The following AGGF1 variants were observed in gnomAD, a reference collection of about 807,000 sequenced individuals.
The protein encoded by AGGF1 is angiogenic factor with G patch and FHA domains 1.
In AGGF1, 56 loss-of-function variants were observed where a neutral mutation model predicts 86.5. The ratio of observed to expected loss-of-function variants is 0.65; its 90% CI spans 0.52 to 0.81. The LOEUF (loss-of-function observed/expected upper bound fraction) is 0.81. AGGF1 is among the 30% of genes least tolerant of loss of function. AGGF1 has a pLI of 0.00. For synonymous variants in AGGF1, 313 were observed against 297.1 expected (o/e 1.05, Z -0.55); for missense variants, 816 against 850.9 (o/e 0.96, Z 0.51).
intron 13 of AGGF1, among the ~76,000 whole-genome samples, chr5:77,062,025 A>C (rs745699715): frequency 1.3e-5 from 2 of 152,142 alleles, no homozygotes; most frequent in Non-Finnish European, 2.9e-5. Context: ...CCCTACATTA[A>C]AGCTAGGGTG....
chr5:77,032,249 T>G (rs115064262), intron 1 of AGGF1, among the ~76,000 whole-genome samples: 1 of 92,092 alleles, frequency 1.1e-5, no homozygotes, highest in Non-Finnish European at 2.0e-5. Context: ...AATACAAATA[T>G]GGTAAAAAAA....
chr5:77,055,438 T>C, intron 10 of AGGF1, 76 bp from the exon 11 acceptor site: 2 of 929,808 alleles, frequency 2.2e-6, no homozygotes, highest in Admixed American at 4.1e-5. Flanking sequence ...TTTTTATTAA[T>C]TAAATAACAT....
At chr5:77,043,864 G>A (rs1228562119) in intron 5 of AGGF1, among the ~76,000 whole-genome samples, 2 of 139,298 alleles carry the variant, frequency 1.4e-5, no homozygotes, top group African/African-American at 5.3e-5. Flanking sequence ...CTTCTCAGAC[G>A]GGGCGGCCGG....
intron 12 of AGGF1, 86 bp downstream of exon 12, chr5:77,059,829 T>A: frequency 6.6e-7 from 1 of 1,526,376 alleles, no homozygotes; most frequent in Non-Finnish European, 9.0e-7. Context: ...CTATATATCC[T>A]GATAGGTGGC....
In AGGF1 at chr5:77,063,140, A is replaced by T. The variant is rs572804974; in HGVS notation, c.2033A>T (p.Asn678Ile). ...GATGTTCACCTTCTCCAAAACAAGA[A>T]CAAAAAAAACTGGGACAAAGCACGA... ...FEDVHLLQNK[N>I]KKNWDKARER... is the part of the protein sequence containing the mutation. Residue 678 changes from asparagine (N) to isoleucine (I), a missense_variant, in exon 14 of 14, where the codon AAC becomes ATC. By Grantham distance (149) the Asn-to-Ile change is moderately radical. Transcript: ENST00000312916. 5 of 1,614,096 alleles carry T rather than the reference A, an allele frequency of 3.1e-6. 2 individuals are homozygous for T. The East Asian group carries it at 1.1e-4, about 36-fold the overall frequency.
rs1187557340 is a variant in AGGF1, at chr5:77,046,426, A to G, written c.950A>G (p.Lys317Arg). The G allele has an allele frequency of 6.2e-7, 1 of 1,614,042 alleles. No individual in the cohort carries two copies. The highest frequency in any genetic ancestry group is 1.1e-5 in the South Asian group (1 of 91,076). ...CNEEENFANM[K>R]KKAKIGIHHK... is the part of the protein sequence containing the mutation. ...GAGGAAGAAAATTTCGCAAATATGA[A>G]AAAGAAGGCCAAAATAGGCATTCAT... Residue 317 changes from lysine (K) to arginine (R), a missense_variant, in exon 6 of 14, where the codon AAA (lysine) becomes AGA (arginine). Transcript: ENST00000312916.
chr5:77,046,056 G>T (rs1046614998), intron 5 of AGGF1, among the ~76,000 whole-genome samples: 10 of 152,220 alleles, frequency 6.6e-5, no homozygotes, highest in African/African-American at 2.4e-4. Context: ...TGAGAATAGA[G>T]AGACAGATTT....
chr5:77,035,615 C>A lies in AGGF1; in HGVS notation c.388C>A (p.Gln130Lys). The stretch of plus-strand genomic sequence containing the variant: ...GACTGAACTGTCAGATCAACAAGAT[C>A]AAGCTATCGAAACTTCTATTTTGAA... Reference protein sequence around the residue: ...KVTELSDQQDQAIETSILNSK... With the variant: ...KVTELSDQQDKAIETSILNSK... Residue 130 changes from glutamine (Q) to lysine (K), a missense_variant, in exon 3 of 14, where the codon CAA (glutamine) becomes AAA (lysine). Gln to Lys is a moderately conservative substitution (Grantham distance 53, BLOSUM62 1). Transcript: ENST00000312916. 6.2e-7 allele frequency: 1 copy of A among 1,613,486 alleles called. No individual in the cohort carries two copies. The highest frequency in any genetic ancestry group is 1.3e-5 in the African/African-American group (1 of 75,008).
chr5:77,040,010 C>G (rs1160273436), intron 5 of AGGF1, among the ~76,000 whole-genome samples: 2 of 151,814 alleles, frequency 1.3e-5, no homozygotes, highest in Non-Finnish European at 2.9e-5. Context: ...GATGTCAATG[C>G]ACAGTTCATA....
In AGGF1 at chr5:77,059,437, T is replaced by C. The variant is rs150029048; in HGVS notation, c.1717-179T>C. Among the ~76,000 whole-genome samples, 465 of 152,276 alleles carry C rather than the reference T, an allele frequency of 3.1e-3. 6 individuals are homozygous for C. Among genetic ancestry groups the C allele is most frequent in the African/African-American group, 0.011 (441 of 41,542 alleles). ...CCTCTAGCTATCCTCTTGCCTCAGC[T>C]TCCCAAAATGCTAGGATTATAGGCA... is the stretch of plus-strand genomic sequence containing the variant. On this transcript the variant is annotated intron_variant, in intron 11 of 13. Coordinates refer to ENST00000312916, the MANE Select transcript of AGGF1 (RefSeq NM_018046.5).
At chr5:77,041,900 G>A (rs1391662792) in intron 5 of AGGF1, among the ~76,000 whole-genome samples, 1 of 149,290 alleles carries the variant, frequency 6.7e-6, no homozygotes, top group African/African-American at 2.5e-5. Flanking sequence ...GTGGAGGGAA[G>A]GTCAGCAGAT....
At chr5:77,055,184 A>G (rs1747438391) in intron 10 of AGGF1, among the ~76,000 whole-genome samples, 2 of 152,146 alleles carry the variant, frequency 1.3e-5, no homozygotes, top group African/African-American at 2.4e-5. Context: ...GCATATGGCT[A>G]TGTTCCTTTG....
chr5:77,046,460 T>C lies in AGGF1; in HGVS notation c.984T>C (p.Asn328=), dbSNP rs769215508. ...KKAKIGIHHK[N]SPPKVTVPTS... ...CCAAAATAGGCATTCATCACAAAAA[T>C]AGTCCCCCCAAAGTCACTGTTCCAA... The change falls in exon 6 of 14, where the codon AAT becomes AAC. Residue 328 remains asparagine (N), a synonymous_variant. Transcript: ENST00000312916. The C allele has an allele frequency of 6.2e-7, 1 of 1,613,888 alleles. No individual in the cohort carries two copies. Among genetic ancestry groups the C allele is most frequent in the East Asian group, 2.2e-5 (1 of 44,872 alleles).
chr5:77,062,766 T>A (rs1747584418), intron 13 of AGGF1, among the ~76,000 whole-genome samples: 1 of 152,196 alleles, frequency 6.6e-6, no homozygotes, highest in Non-Finnish European at 1.5e-5. Flanking sequence ...TGGAATGACA[T>A]ACTCTGCAGC....
Position 77,048,160 on chromosome 5 carries a change from G to C in AGGF1, c.1202-1G>C. 1 of 1,598,606 alleles carries C rather than the reference G, an allele frequency of 6.3e-7. No individual in the cohort carries two copies. Among genetic ancestry groups the C allele is most frequent in the African/African-American group, 1.3e-5 (1 of 74,714 alleles). ...TATTTACTCACTTCTTTCCTTGGCAGATGAAGACAAAATTTGGCCCCCATG... is the reference window on the plus strand; with the variant it reads ...TATTTACTCACTTCTTTCCTTGGCACATGAAGACAAAATTTGGCCCCCATG... On this transcript the variant is annotated splice_acceptor_variant, in intron 6 of 13. Transcript: ENST00000312916. LOFTEE classifies it high-confidence loss of function.
intron 1 of AGGF1, among the ~76,000 whole-genome samples, chr5:77,032,517 T>G (rs1266226776): frequency 2.1e-5 from 3 of 145,404 alleles, no homozygotes; most frequent in African/African-American, 7.8e-5. Context: ...TGAGCCGAGA[T>G]TGCGCCACTG....
chr5:77,030,653 G>C lies in AGGF1; in HGVS notation c.-114G>C. The C allele has an allele frequency of 8.1e-7, 1 of 1,227,412 alleles. No individual in the cohort carries two copies. The highest frequency in any genetic ancestry group is 1.2e-6 in the Non-Finnish European group (1 of 869,268). 76.0% of individuals were successfully genotyped at this position (1,227,412 alleles called of 1,614,324 possible). On this transcript the variant is annotated 5_prime_UTR_variant, in exon 1 of 14. Coordinates refer to ENST00000312916, the MANE Select transcript of AGGF1 (RefSeq NM_018046.5). ...GCCAGGGGCCACCGCGGCCAGCCGG[G>C]TGTGAGGCTGCCTTTCGCTGCCCGC... is the stretch of plus-strand genomic sequence containing the variant.
rs911974160 is a variant in AGGF1 at position 77,063,528 on chromosome 5, T to C, written c.*276T>C. ...TTTATCTTGTCATTTACAACATCCA[T>C]ATAAGCAACTAGCCATATAAGCAAA... On this transcript the variant is annotated 3_prime_UTR_variant, in exon 14 of 14. Coordinates refer to ENST00000312916, the MANE Select transcript of AGGF1 (RefSeq NM_018046.5). 12 of 405,822 alleles carry C rather than the reference T, an allele frequency of 3.0e-5. No homozygotes were observed. In the South Asian group the frequency reaches 3.0e-4, roughly 10 times the overall value. 25.1% of individuals were successfully genotyped at this position (405,822 alleles called of 1,614,324 possible). A position where few individuals can be genotyped will look rare whatever the true frequency, so the allele number is the denominator to read the frequency against.
At chr5:77,038,415 T>G (rs973365397) in intron 4 of AGGF1, among the ~76,000 whole-genome samples, 6 of 152,208 alleles carry the variant, frequency 3.9e-5, no homozygotes, top group African/African-American at 1.2e-4. Context: ...CTGAGTAAAT[T>G]AGGAACTTCA....
Sources: gnomAD v4.1 joint callset for allele counts (sites outside exome capture counted in the v4.1 genomes callset) on GRCh38, gnomAD v4.1.1 for gene constraint, MANE v1.5 for transcripts, NCBI Gene and HGNC (gene_info 2026-07-23, HGNC 2026-07-21) for gene names.